Variants in MAGI2 observed in about 807,000 individuals in gnomAD.
The protein encoded by MAGI2 is membrane-associated guanylate kinase, WW and PDZ domain-containing protein 2.
In MAGI2, 35 loss-of-function variants were observed where a neutral mutation model predicts 133.3. The observed-to-expected ratio is 0.26, with a 90% CI of 0.20 to 0.35. The LOEUF (loss-of-function observed/expected upper bound fraction) is 0.35, where lower values mean the gene tolerates loss of function less well. Ranked by LOEUF, MAGI2 falls within the 10% of genes least tolerant of loss-of-function variation. The pLI is 1.00. For missense variants in MAGI2, 1,636 were observed against 1,863.4 expected, an observed-to-expected ratio of 0.88 and a Z score of 2.25; for synonymous variants, 729 against 710.6, an observed-to-expected ratio of 1.03 and a Z score of -0.41.
chr7:78,467,888 A>C (rs1005429283), intron 6 of MAGI2, among the ~76,000 whole-genome samples: 1 of 152,186 alleles, frequency 6.6e-6, no homozygotes, highest in African/African-American at 2.4e-5. Context: ...AATTGTCACA[A>C]GATATCTTTC....
chr7:78,750,288 G>A (rs1349814115), intron 2 of MAGI2, among the ~76,000 whole-genome samples: 1 of 152,126 alleles, frequency 6.6e-6, no homozygotes, highest in Non-Finnish European at 1.5e-5. Flanking sequence ...TCATTGATGG[G>A]TATTTGGGTT....
At chr7:78,210,510 T>A (rs982308530) in intron 10 of MAGI2, among the ~76,000 whole-genome samples, 1 of 152,180 alleles carries the variant, frequency 6.6e-6, no homozygotes, top group East Asian at 1.9e-4. Context: ...AGTTAGATTA[T>A]GGGCAAAATA....
At chr7:78,645,635 AGT>A (rs71517025) in intron 2 of MAGI2, among the ~76,000 whole-genome samples, 3 of 106,762 alleles carry the variant, frequency 2.8e-5, no homozygotes, top group Non-Finnish European at 4.2e-5. Flanking sequence ...TGCAGATATA[AGT>A]GTGGTGTGTG....
chr7:78,895,702 C>T (rs966476624), intron 2 of MAGI2, among the ~76,000 whole-genome samples: 4 of 152,112 alleles, frequency 2.6e-5, no homozygotes, highest in Non-Finnish European at 5.9e-5. Context: ...GCATTATTTG[C>T]TGTAAATATC....
intron 2 of MAGI2, among the ~76,000 whole-genome samples, chr7:78,658,602 A>G (rs1322265431): frequency 6.6e-6 from 1 of 152,216 alleles, no homozygotes; most frequent in Non-Finnish European, 1.5e-5. Context: ...ATCTAGAAAA[A>G]TAAAGAACTC....
At position 78,206,730 on chromosome 7, in the gene MAGI2, T is replaced by C. The variant is rs188347681; in HGVS notation, c.2048-5537A>G. ...TTTCTCCTTTAGCTGAAATATTTGC[T>C]AGAACATATGATTCTACTTTTGAAG... On this transcript the variant is annotated intron_variant, in intron 10 of 21. Coordinates refer to ENST00000354212, the MANE Select transcript of MAGI2 (RefSeq NM_012301.4). Among the ~76,000 whole-genome samples, 448 of 152,368 alleles carry C rather than the reference T, an allele frequency of 2.9e-3. 4 individuals are homozygous for C. The highest frequency in any genetic ancestry group is 3.3e-3 in the Non-Finnish European group (224 of 68,032).
intron 1 of MAGI2, among the ~76,000 whole-genome samples, chr7:79,150,657 C>A (rs910088014): frequency 6.6e-6 from 1 of 151,444 alleles, no homozygotes; most frequent in Non-Finnish European, 1.5e-5. Context: ...AATAATATAA[C>A]TTCCCAGAAT....
intron 1 of MAGI2, among the ~76,000 whole-genome samples, chr7:79,281,646 C>T (rs1400382358): frequency 6.6e-6 from 1 of 152,126 alleles, no homozygotes; most frequent in Non-Finnish European, 1.5e-5. Context: ...CTGCAGACAT[C>T]TTTCAAAGGA....
intron 1 of MAGI2, among the ~76,000 whole-genome samples, chr7:79,361,987 A>C (rs1033135101): frequency 6.6e-6 from 1 of 152,100 alleles, no homozygotes; most frequent in Admixed American, 6.6e-5. Context: ...GAAAAGTCTC[A>C]GGTCAATAGT....
chr7:78,857,787 T>C (rs1194417283), intron 2 of MAGI2, among the ~76,000 whole-genome samples: 1 of 152,200 alleles, frequency 6.6e-6, no homozygotes, highest in Non-Finnish European at 1.5e-5. Flanking sequence ...TAGGGAGGAT[T>C]CCCTCTTTTC....
At chr7:78,338,809 C>G (rs1346405586) in intron 9 of MAGI2, among the ~76,000 whole-genome samples, 1 of 152,054 alleles carries the variant, frequency 6.6e-6, no homozygotes, top group East Asian at 1.9e-4. Context: ...CTATAAAAGC[C>G]TAATAAAATT....
At chr7:78,876,115 G>A (rs766674954) in intron 2 of MAGI2, among the ~76,000 whole-genome samples, 2 of 152,060 alleles carry the variant, frequency 1.3e-5, no homozygotes, top group Non-Finnish European at 2.9e-5. Flanking sequence ...AAGGTCAGGA[G>A]TTCAAGACCA....
chr7:79,315,546 T>A (rs913114657), intron 1 of MAGI2, among the ~76,000 whole-genome samples: 1 of 151,914 alleles, frequency 6.6e-6, no homozygotes, highest in Admixed American at 6.6e-5. Context: ...GTTAGATAAT[T>A]TGGTGGGTAA....
At chr7:78,864,104 C>T (rs1794363576) in intron 2 of MAGI2, among the ~76,000 whole-genome samples, 1 of 152,214 alleles carries the variant, frequency 6.6e-6, no homozygotes, top group Admixed American at 6.5e-5. Flanking sequence ...TGAATAATCT[C>T]TACTTGGCTT....
At chr7:78,940,763 C>A (rs984389319) in intron 2 of MAGI2, 10 of 152,100 alleles carry the variant, frequency 6.6e-5, no homozygotes, top group Admixed American at 6.5e-4. Flanking sequence ...AAGAATTAAG[C>A]CACATGAAGG....
At chr7:79,408,396 G>T (rs1210272259) in intron 1 of MAGI2, among the ~76,000 whole-genome samples, 1 of 151,800 alleles carries the variant, frequency 6.6e-6, no homozygotes, top group Non-Finnish European at 1.5e-5. Flanking sequence ...TGAAATCAAA[G>T]TTAGCAAAAA....
chr7:78,465,062 T>C (rs1446591075), intron 6 of MAGI2, among the ~76,000 whole-genome samples: 3 of 152,142 alleles, frequency 2.0e-5, no homozygotes, highest in African/African-American at 4.8e-5. Flanking sequence ...AAAATAACTA[T>C]AGTTAACCTG....
At position 78,855,618 on chromosome 7, in the gene MAGI2, T is replaced by C. The variant is rs1584164045; in HGVS notation, c.418+151472A>G. 2.0e-5 allele frequency among the ~76,000 whole-genome samples: 3 copies of C among 152,208 alleles called. No homozygotes were observed. The South Asian group carries it at 6.2e-4, about 32-fold the overall frequency. On this transcript the variant is annotated intron_variant, in intron 2 of 21. Coordinates refer to ENST00000354212, the MANE Select transcript of MAGI2 (RefSeq NM_012301.4). Reference sequence around the variant, plus strand: ...TTTATGGCTGCATAGTATTCCATGGTGTATATGTGCCACATTTTCTTAATC... The same window carrying C: ...TTTATGGCTGCATAGTATTCCATGGCGTATATGTGCCACATTTTCTTAATC...
intron 2 of MAGI2, among the ~76,000 whole-genome samples, chr7:78,981,011 G>C (rs968801042): frequency 6.6e-6 from 1 of 151,448 alleles, no homozygotes; most frequent in African/African-American, 2.4e-5. Flanking sequence ...GTTTTGCTTA[G>C]TCTAATTATT....
Sources: gnomAD v4.1 joint callset for allele counts (sites outside exome capture counted in the v4.1 genomes callset) on GRCh38, gnomAD v4.1.1 for gene constraint, MANE v1.5 for transcripts, NCBI Gene and HGNC (gene_info 2026-07-23, HGNC 2026-07-21) for gene names.